Variants in DSP observed in about 807,000 individuals in gnomAD.
The protein encoded by DSP is desmoplakin.
A neutral mutation model predicts 290.6 loss-of-function variants in DSP; 114 were observed. That is an observed-to-expected ratio of 0.39 (90% CI 0.34 to 0.46). The LOEUF is 0.46. Ranked by LOEUF, DSP falls within the 20% of genes least tolerant of loss-of-function variation. DSP has a pLI of 0.99. For synonymous variants in DSP, 1,311 were observed against 1,316.4 expected (o/e 1.00, Z 0.09); for missense variants, 3,230 against 3,495.8 (o/e 0.92, Z 1.92).
Position 7,548,776 on chromosome 6 carries a change from G to A in DSP, c.170+6691G>A, listed in dbSNP as rs901344226. ...CTGGAGTGGGAATGGGGAGGGGAGA[G>A]CTGTGCTCTCTGGTTGAGCTTTTGA... is the stretch of plus-strand genomic sequence containing the variant. On this transcript the variant is annotated intron_variant, in intron 1 of 23. Coordinates refer to ENST00000379802, the MANE Select transcript of DSP (RefSeq NM_004415.4). 2.6e-5 allele frequency among the ~76,000 whole-genome samples: 4 copies of A among 152,310 alleles called. No homozygotes were observed. The South Asian group carries it at 8.3e-4, about 32-fold the overall frequency.
chr6:7,585,349 T>C lies in DSP; in HGVS notation c.8087T>C (p.Ile2696Thr), dbSNP rs1415854040. ...TRLKPAQKAF[I>T]GFEGVKGKKK... ...CTGAAGCCTGCTCAGAAAGCCTTCA[T>C]AGGCTTCGAGGGTGTGAAGGGAAAG... Residue 2696 changes from isoleucine (I) to threonine (T), a missense_variant, in exon 24 of 24, where the codon ATA (isoleucine) becomes ACA (threonine). By Grantham distance (89) the Ile-to-Thr change is moderately conservative (BLOSUM62 -1). Coordinates refer to ENST00000379802, the MANE Select transcript of DSP (RefSeq NM_004415.4). 1.9e-6 allele frequency: 3 copies of C among 1,613,914 alleles called. No homozygotes were observed. The highest frequency in any genetic ancestry group is 1.7e-5 in the Admixed American group (1 of 60,002).
chr6:7,550,083 G>A (rs906195502), intron 1 of DSP, among the ~76,000 whole-genome samples: 1 of 151,866 alleles, frequency 6.6e-6, no homozygotes, highest in African/African-American at 2.4e-5. Flanking sequence ...TTTCGCCCAG[G>A]TTGGAGTGCA....
At position 7,565,466 on chromosome 6, in the gene DSP, G is replaced by A. The variant is rs773105317; in HGVS notation, c.885G>A (p.Leu295=). The change falls in exon 7 of 24, where the codon CTG becomes CTA. Residue 295 remains leucine, a synonymous_variant. Transcript: ENST00000379802. The surrounding 1 kb of genome is among the most constrained non-coding windows in gnomAD (Gnocchi z 4.2). Reference sequence around the variant, plus strand: ...ATGACTGCGAGGAGGAGGAGCTGCTGTACGACTGGAGCGACAAGAACACCA... The same window carrying A: ...ATGACTGCGAGGAGGAGGAGCTGCTATACGACTGGAGCGACAAGAACACCA... ...WINDCEEEEL[L]YDWSDKNTNI... 1.9e-6 allele frequency: 3 copies of A among 1,614,004 alleles called. No individual in the cohort carries two copies. The highest frequency in any genetic ancestry group is 1.7e-5 in the Admixed American group (1 of 60,006).
chr6:7,585,137 A>C lies in DSP; in HGVS notation c.7875A>C (p.Thr2625=), dbSNP rs756052276. ...GCCCCATTGCAGCCATCTTTGACACAGAAAACCTGGAGAAAATCTCCATTA... is the reference window on the plus strand; with the variant it reads ...GCCCCATTGCAGCCATCTTTGACACCGAAAACCTGGAGAAAATCTCCATTA... ...ESSPIAAIFD[T]ENLEKISITE... Residue 2625 remains threonine (T), a synonymous_variant, in exon 24 of 24, where the codon ACA becomes ACC. Transcript: ENST00000379802. 8 of 1,614,196 alleles carry C rather than the reference A, an allele frequency of 5.0e-6. No homozygotes were observed. Among genetic ancestry groups the C allele is most frequent in the African/African-American group, 1.3e-5 (1 of 75,052 alleles).
At position 7,580,584 on chromosome 6, in the gene DSP, A is replaced by G. The variant is rs1476461740; in HGVS notation, c.4394A>G (p.Tyr1465Cys). 7 of 1,614,170 alleles carry G rather than the reference A, an allele frequency of 4.3e-6. No homozygotes were observed. Among genetic ancestry groups the G allele is most frequent in the East Asian group, 2.2e-5 (1 of 44,884 alleles). ...ATGCGAACAGAGGAGAGCGTAAGAT[A>G]TAAGCAATCTCTTGATGATGCTGCC... Reference protein sequence around the residue: ...TQMRTEESVRYKQSLDDAAKT... With the variant: ...TQMRTEESVRCKQSLDDAAKT... Residue 1465 changes from tyrosine to cysteine, a missense_variant, in exon 23 of 24, where the codon TAT (tyrosine) becomes TGT (cysteine). This residue lies in a region of DSP where 1,714 missense variants were observed against 1,844.5 expected (regional missense o/e 0.93). Coordinates refer to ENST00000379802, the MANE Select transcript of DSP (RefSeq NM_004415.4). The surrounding 1 kb of genome is among the most constrained non-coding windows in gnomAD (Gnocchi z 4.2).
In DSP at chr6:7,580,112, C is replaced by G. The variant is rs144641271; in HGVS notation, c.3922C>G (p.Arg1308Gly). Residue 1308 changes from arginine (R) to glycine (G), a missense_variant, in exon 23 of 24, where the codon CGG (arginine) becomes GGG (glycine). Around this residue, in one of 5 missense-constraint regions of DSP, gnomAD observed 1,714 missense variants for 1,844.5 expected, o/e 0.93. Coordinates refer to ENST00000379802, the MANE Select transcript of DSP (RefSeq NM_004415.4). This position sits in a 1 kb window ranked among gnomAD's most constrained non-coding sequence, Gnocchi z 4.2. Reference sequence around the variant, plus strand: ...GCAGCAGCGCTCTGAGGACAATGCCCGGCACAAGCAGTCCCTGGAGGAGGC... The same window carrying G: ...GCAGCAGCGCTCTGAGGACAATGCCGGGCACAAGCAGTCCCTGGAGGAGGC... Reference protein sequence around the residue: ...VMQQRSEDNARHKQSLEEAAK... With the variant: ...VMQQRSEDNAGHKQSLEEAAK... The G allele has an allele frequency of 1.2e-6, 2 of 1,613,988 alleles. No individual in the cohort carries two copies. Among genetic ancestry groups the G allele is most frequent in the East Asian group, 4.5e-5 (2 of 44,874 alleles).
At chr6:7,558,507 C>CTTTTTTT (rs145193988) in intron 3 of DSP, among the ~76,000 whole-genome samples, 28 of 104,536 alleles carry the variant, frequency 2.7e-4, no homozygotes, top group Non-Finnish European at 3.7e-4. Context: ...TGGCATTTGA[C>CTTTTTTT]TTTTTTTTTT....
At chr6:7,549,765 G>A (rs1758278785) in intron 1 of DSP, among the ~76,000 whole-genome samples, 2 of 151,998 alleles carry the variant, frequency 1.3e-5, no homozygotes, top group South Asian at 4.2e-4. Flanking sequence ...AGGAGAGAGA[G>A]GAAGGGAGAG....
chr6:7,578,396 G>T (rs895007982), intron 21 of DSP, 68 bp from the exon 22 acceptor site: 2 of 1,312,868 alleles, frequency 1.5e-6, no homozygotes, highest in Non-Finnish European at 2.2e-6. Flanking sequence ...AAACAAAATC[G>T]GTCAAATTAC....
rs547568275 is a variant in DSP, at chr6:7,580,211, C to T, written c.4021C>T (p.Arg1341Cys). The T allele has an allele frequency of 7.4e-6, 12 of 1,613,808 alleles. No individual in the cohort carries two copies. The Admixed American group carries it at 8.3e-5, about 11-fold the overall frequency. ...KAEFQEEAKR[R>C]WEYENELSKV... Reference sequence around the variant, plus strand: ...TGAGTTTCAGGAGGAGGCCAAGCGCCGCTGGGAATATGAAAATGAACTGAG... The same window carrying T: ...TGAGTTTCAGGAGGAGGCCAAGCGCTGCTGGGAATATGAAAATGAACTGAG... Residue 1341 changes from arginine to cysteine, a missense_variant, in exon 23 of 24, where the codon CGC (arginine) becomes TGC (cysteine). Physicochemically the swap from Arg to Cys is radical, Grantham distance 180. Coordinates refer to ENST00000379802, the MANE Select transcript of DSP (RefSeq NM_004415.4). This position sits in a 1 kb window ranked among gnomAD's most constrained non-coding sequence, Gnocchi z 4.2.
rs35879281 is a variant in DSP at position 7,552,401 on chromosome 6, C to CAAA, written c.171-3306_171-3304dup. 6.3e-5 allele frequency among the ~76,000 whole-genome samples: 9 copies of CAAA among 142,692 alleles called. No individual in the cohort carries two copies. In the South Asian group the frequency reaches 1.8e-3, roughly 28 times the overall value. 93.6% of individuals were successfully genotyped at this position (142,692 alleles called of 152,430 possible). A position where few individuals can be genotyped will look rare whatever the true frequency, so the allele number is the denominator to read the frequency against. On this transcript the variant is annotated intron_variant, in intron 1 of 23. Transcript: ENST00000379802. ...TGAAACCCCATCTCTATTAAAAATA[C>CAAA]AAAAAAAAAAAAATAGCTGGGCGTG...
Position 7,559,272 on chromosome 6 carries a change from A to G in DSP, c.469A>G (p.Ser157Gly). ...AATGCGAGCCCTTTATAAAGCCATCAGTGTCCCTCGAGTCCGCAGGGCCAG... is the reference window on the plus strand; with the variant it reads ...AATGCGAGCCCTTTATAAAGCCATCGGTGTCCCTCGAGTCCGCAGGGCCAG... ...EQMRALYKAI[S>G]VPRVRRASSK... Residue 157 changes from serine to glycine, a missense_variant, in exon 4 of 24, where the codon AGT becomes GGT. Around this residue, in one of 5 missense-constraint regions of DSP, gnomAD observed 646 missense variants for 684.3 expected, o/e 0.94. Coordinates refer to ENST00000379802, the MANE Select transcript of DSP (RefSeq NM_004415.4). 6.2e-7 allele frequency: 1 copy of G among 1,614,016 alleles called. No individual in the cohort carries two copies. Among genetic ancestry groups the G allele is most frequent in the African/African-American group, 1.3e-5 (1 of 75,028 alleles).
chr6:7,543,142 T>C (rs1017681901), intron 1 of DSP, among the ~76,000 whole-genome samples: 2 of 152,072 alleles, frequency 1.3e-5, no homozygotes, highest in African/African-American at 4.8e-5. Flanking sequence ...GCCGTGCGCG[T>C]TTTGCAGCCC....
chr6:7,565,134 G>A lies in DSP; in HGVS notation c.778-225G>A, dbSNP rs1388062313. ...CTGCACTCCAGCCTGGGAGACGAGA[G>A]CGACAGTCCGTCTCAAAAAAAAAAA... is the stretch of plus-strand genomic sequence containing the variant. On this transcript the variant is annotated intron_variant, in intron 6 of 23. Transcript: ENST00000379802. The surrounding 1 kb of genome is among the most constrained non-coding windows in gnomAD (Gnocchi z 4.2). Among the ~76,000 whole-genome samples, 2 of 151,998 alleles carry A rather than the reference G, an allele frequency of 1.3e-5. No individual in the cohort carries two copies. Among genetic ancestry groups the A allele is most frequent in the African/African-American group, 4.8e-5 (2 of 41,388 alleles).
intron 1 of DSP, 25 bp from the exon 2 acceptor site, chr6:7,555,693 G>A: frequency 6.2e-7 from 1 of 1,605,132 alleles, no homozygotes; most frequent in Non-Finnish European, 8.5e-7. Context: ...TTTGATGTCT[G>A]GTTTCTCTGT....
rs1426930663 is a variant in DSP, at chr6:7,555,796, G to A, written c.249G>A (p.Met83Ile). Residue 83 changes from methionine (M) to isoleucine (I), a missense_variant, in exon 2 of 24, where the codon ATG becomes ATA. Coordinates refer to ENST00000379802, the MANE Select transcript of DSP (RefSeq NM_004415.4). ...TGCAGAACTGCTCCGACTGCTTGAT[G>A]CGAGCAGAGCTCATCGTGCAGCCTG... ...ELLQNCSDCL[M>I]RAELIVQPEL... The A allele has an allele frequency of 3.7e-6, 6 of 1,614,064 alleles. No individual in the cohort carries two copies. Among genetic ancestry groups the A allele is most frequent in the Non-Finnish European group, 5.1e-6 (6 of 1,180,030 alleles).
intron 1 of DSP, among the ~76,000 whole-genome samples, chr6:7,545,544 A>G (rs1278167874): frequency 2.0e-5 from 3 of 152,232 alleles, no homozygotes; most frequent in East Asian, 3.8e-4. Context: ...TCCTTAATTC[A>G]GCAAGTATTT....
In DSP at chr6:7,565,520, C is replaced by T. The variant is rs766580649; in HGVS notation, c.939C>T (p.Ser313=). The T allele has an allele frequency of 4.0e-5, 65 of 1,613,818 alleles. 1 individual carries two copies. The Middle Eastern group carries it at 1.2e-3, about 29-fold the overall frequency. ...TNIAQKQEAF[S]IRMSQLEVKE... ...TCGCTCAGAAACAGGAGGCCTTCTC[C>T]GTAAGTTCACCCCACGCGGCTGTAG... Residue 313 remains serine, a splice_region_variant and synonymous_variant, in exon 7 of 24, where the codon TCC becomes TCT. Coordinates refer to ENST00000379802, the MANE Select transcript of DSP (RefSeq NM_004415.4). This position sits in a 1 kb window ranked among gnomAD's most constrained non-coding sequence, Gnocchi z 4.2.
rs1759381312 is a variant in DSP, at chr6:7,580,250, A to T, written c.4060A>T (p.Asn1354Tyr). Residue 1354 changes from asparagine to tyrosine, a missense_variant, in exon 23 of 24, where the codon AAT becomes TAT. Asn to Tyr is a moderately radical substitution (Grantham distance 143). Coordinates refer to ENST00000379802, the MANE Select transcript of DSP (RefSeq NM_004415.4). The surrounding 1 kb of genome is among the most constrained non-coding windows in gnomAD (Gnocchi z 4.2). ...AAATGAACTGAGTAAGGTAAGAAAC[A>T]ATTATGATGAGGAGATCATTAGCTT... is the stretch of plus-strand genomic sequence containing the variant. ...YENELSKVRN[N>Y]YDEEIISLKN... is the part of the protein sequence containing the mutation. The T allele has an allele frequency of 6.2e-7, 1 of 1,613,942 alleles. No individual in the cohort carries two copies. Among genetic ancestry groups the T allele is most frequent in the Admixed American group, 1.7e-5 (1 of 60,002 alleles).
Sources: allele counts gnomAD v4.1 joint callset (sites outside exome capture counted in the v4.1 genomes callset), GRCh38; gene constraint gnomAD v4.1.1; regional missense constraint gnomAD v4.1.1; non-coding constraint Gnocchi (gnomAD v3.1); transcripts MANE v1.5; gene names NCBI Gene and HGNC (gene_info 2026-07-23, HGNC 2026-07-21).